Variants in ATP13A5 observed in about 807,000 individuals in gnomAD.
The protein encoded by ATP13A5 is ATPase 13A5.
ATP13A5 carries 149 observed loss-of-function variants against 150.2 expected under a neutral mutation model. The ratio of observed to expected loss-of-function variants is 0.99; its 90% CI spans 0.87 to 1.14. The LOEUF (loss-of-function observed/expected upper bound fraction) is 1.14, where lower values mean the gene tolerates loss of function less well. Ranked by LOEUF, ATP13A5 falls within the 50% of genes most tolerant of loss-of-function variation. The probability of loss-of-function intolerance (pLI) is 0.00; values close to 1 mark genes in which losing one functional copy is unlikely to be tolerated. For missense variants in ATP13A5, 1,383 were observed against 1,449.3 expected (o/e 0.95, Z 0.74); for synonymous variants, 497 against 522.2 (o/e 0.95, Z 0.66).
At chr3:193,325,584 G>A (rs990352542) in intron 13 of ATP13A5, among the ~76,000 whole-genome samples, 2 of 152,214 alleles carry the variant, frequency 1.3e-5, no homozygotes, top group African/African-American at 4.8e-5. Context: ...AGAGCTGTCT[G>A]CAGAAAGCCA....
chr3:193,352,701 C>T (rs1712611736), intron 6 of ATP13A5, among the ~76,000 whole-genome samples: 1 of 152,004 alleles, frequency 6.6e-6, no homozygotes, highest in African/African-American at 2.4e-5. Flanking sequence ...TATGTTCCAC[C>T]CAATTTTGCT....
chr3:193,306,458 C>T (rs185824052), intron 22 of ATP13A5, among the ~76,000 whole-genome samples: 1 of 152,048 alleles, frequency 6.6e-6, no homozygotes, highest in Non-Finnish European at 1.5e-5. Flanking sequence ...TTAGCTTTTT[C>T]TCATGAAACA....
Position 193,345,089 on chromosome 3 carries a change from G to GT in ATP13A5, c.742-15dup. The GT allele has an allele frequency of 6.2e-7, 1 of 1,610,320 alleles. No homozygotes were observed. The highest frequency in any genetic ancestry group is 8.5e-7 in the Non-Finnish European group (1 of 1,176,730). On this transcript the variant is annotated splice_polypyrimidine_tract_variant and intron_variant, in intron 7 of 29. Coordinates refer to ENST00000342358, the MANE Select transcript of ATP13A5 (RefSeq NM_198505.4). ...CTTAACTGATTGCTACCAAGTAAAA[G>GT]TTAACATTTAAACATTAGATAGTTC...
At chr3:193,327,107 T>A in intron 12 of ATP13A5, 50 bp from the exon 13 acceptor site, 2 of 1,488,982 alleles carry the variant, frequency 1.3e-6, no homozygotes, top group Non-Finnish European at 1.8e-6. Flanking sequence ...AGCTTTTAAT[T>A]ATATAGTAAT....
chr3:193,313,976 C>A (rs1718946810), intron 19 of ATP13A5, 57 bp downstream of exon 19: 2 of 1,583,296 alleles, frequency 1.3e-6, no homozygotes, highest in Non-Finnish European at 1.7e-6. Context: ...CTGAGCAGTG[C>A]CAGGACTGTA....
intron 25 of ATP13A5, among the ~76,000 whole-genome samples, chr3:193,295,097 G>C (rs1274479733): frequency 6.6e-6 from 1 of 152,070 alleles, no homozygotes; most frequent in Admixed American, 6.6e-5. Flanking sequence ...ATCAATTGTT[G>C]ATGACTCCTA....
intron 27 of ATP13A5, among the ~76,000 whole-genome samples, chr3:193,280,829 C>T (rs558094073): frequency 3.0e-4 from 45 of 152,262 alleles, no homozygotes; most frequent in Non-Finnish European, 5.1e-4. Flanking sequence ...AATAAGTGAA[C>T]AAACTAGGTT....
At chr3:193,277,622 A>T (rs759960702) in intron 28 of ATP13A5, 1 of 152,068 alleles carries the variant, frequency 6.6e-6, no homozygotes, top group Admixed American at 6.6e-5. Context: ...ATACTTTGTC[A>T]TTTTTTTCCC....
chr3:193,277,615 C>CT (rs1298892587), intron 28 of ATP13A5: 6 of 152,162 alleles, frequency 3.9e-5, no homozygotes, highest in African/African-American at 1.4e-4. Flanking sequence ...CAAAGTAATA[C>CT]TTTGTCATTT....
chr3:193,307,230 T>A (rs946416292), intron 22 of ATP13A5, 97 bp downstream of exon 22: 2 of 1,596,690 alleles, frequency 1.3e-6, no homozygotes, highest in Non-Finnish European at 1.7e-6. Context: ...AAATGGTTGC[T>A]GGTGGAAGGA....
intron 27 of ATP13A5, among the ~76,000 whole-genome samples, chr3:193,279,753 G>C (rs1039025473): frequency 1.3e-5 from 2 of 151,998 alleles, no homozygotes; most frequent in African/African-American, 4.8e-5. Context: ...GCTTGCGTGG[G>C]ATAAACAGTC....
intron 19 of ATP13A5, chr3:193,312,719 T>G (rs1297614560): frequency 6.6e-6 from 1 of 152,130 alleles, no homozygotes; most frequent in Non-Finnish European, 1.5e-5. Context: ...GGTGAGAAAA[T>G]TTTATTCATC....
intron 25 of ATP13A5, among the ~76,000 whole-genome samples, chr3:193,296,637 C>CT (rs1454092804): frequency 6.6e-6 from 1 of 151,846 alleles, no homozygotes; most frequent in Non-Finnish European, 1.5e-5. Context: ...CAGCTTTGTT[C>CT]TTTTTGCTTA....
intron 9 of ATP13A5, among the ~76,000 whole-genome samples, chr3:193,336,382 C>T (rs1711862495): frequency 6.6e-6 from 1 of 152,126 alleles, no homozygotes; most frequent in Non-Finnish European, 1.5e-5. Context: ...TGCTATCCCT[C>T]CCCACTCCCC....
intron 19 of ATP13A5, chr3:193,313,661 C>T (rs1268640883): frequency 5.8e-6 from 1 of 173,860 alleles, no homozygotes; most frequent in East Asian, 1.6e-4. Context: ...TCAGTTTTCT[C>T]ATCTGTAAAA....
intron 14 of ATP13A5, 21 bp from the exon 15 acceptor site, chr3:193,322,595 T>G: frequency 2.0e-6 from 3 of 1,493,738 alleles, no homozygotes; most frequent in Admixed American, 3.4e-5. Flanking sequence ...ATGAAAACAT[T>G]CATAAGATTC....
chr3:193,340,203 GC>G (rs1399634584), intron 9 of ATP13A5, among the ~76,000 whole-genome samples: 5 of 152,184 alleles, frequency 3.3e-5, no homozygotes, highest in African/African-American at 1.2e-4. Context: ...GGATCAAGAT[GC>G]CTCTTCATGG....
At chr3:193,350,396 T>C (rs1012086970) in intron 7 of ATP13A5, among the ~76,000 whole-genome samples, 7 of 152,106 alleles carry the variant, frequency 4.6e-5, no homozygotes, top group Admixed American at 4.6e-4. Context: ...AAATGAAGAT[T>C]CTAACCCTGG....
At chr3:193,361,150 T>A (rs1420241627) in intron 5 of ATP13A5, among the ~76,000 whole-genome samples, 1 of 152,198 alleles carries the variant, frequency 6.6e-6, no homozygotes, top group Non-Finnish European at 1.5e-5. Context: ...CCTAGATAAA[T>A]CCTTTACATG....
Sources: allele counts gnomAD v4.1 joint callset (sites outside exome capture counted in the v4.1 genomes callset), GRCh38; gene constraint gnomAD v4.1.1; transcripts MANE v1.5; gene names NCBI Gene and HGNC (gene_info 2026-07-23, HGNC 2026-07-21).